IQUB: variants seen among roughly 807,000 people sequenced by gnomAD.
IQUB encodes the protein IQ motif and ubiquitin domain containing.
Under a neutral mutation model 86.4 loss-of-function variants are expected in IQUB, and 86 were observed. That is an observed-to-expected ratio of 1.00 (90% CI 0.84 to 1.19). The LOEUF (loss-of-function observed/expected upper bound fraction) is 1.19. Ranked by LOEUF, IQUB falls within the 50% of genes most tolerant of loss-of-function variation. IQUB has a pLI of 0.00. For missense variants in IQUB, 946 were observed against 916.9 expected, an observed-to-expected ratio of 1.03 and a Z score of -0.41; for synonymous variants, 289 against 304.5, an observed-to-expected ratio of 0.95 and a Z score of 0.53.
At chr7:123,534,073 G>A (rs982830359) in intron 1 of IQUB, among the ~76,000 whole-genome samples, 8 of 152,320 alleles carry the variant, frequency 5.3e-5, no homozygotes, top group African/African-American at 1.9e-4. Context: ...CAAGGGTGGA[G>A]AGGAAGGAGT....
At chr7:123,489,422 T>C (rs1031712528) in intron 7 of IQUB, among the ~76,000 whole-genome samples, 2 of 152,044 alleles carry the variant, frequency 1.3e-5, no homozygotes, top group South Asian at 2.1e-4. Flanking sequence ...TTTTTAAATA[T>C]GAAGAAAGAT....
chr7:123,491,438 C>G (rs1795456651), intron 7 of IQUB, among the ~76,000 whole-genome samples: 1 of 151,900 alleles, frequency 6.6e-6, no homozygotes, highest in African/African-American at 2.4e-5. Context: ...TGATAAATCC[C>G]TAGGCAGACT....
chr7:123,470,487 C>T (rs1794470149), intron 8 of IQUB, among the ~76,000 whole-genome samples: 1 of 152,140 alleles, frequency 6.6e-6, no homozygotes, highest in African/African-American at 2.4e-5. Flanking sequence ...TAAATGGAAG[C>T]TCTATGTATT....
At chr7:123,469,522 T>A (rs1247111883) in intron 8 of IQUB, 138 bp from the exon 9 acceptor site, 3 of 464,324 alleles carry the variant, frequency 6.5e-6, no homozygotes, top group Non-Finnish European at 1.1e-5. Flanking sequence ...AAAATTAATT[T>A]AAGAATTTGC....
chr7:123,497,720 T>C (rs1044265805), intron 6 of IQUB, among the ~76,000 whole-genome samples: 3 of 150,564 alleles, frequency 2.0e-5, no homozygotes, highest in East Asian at 3.9e-4. Context: ...CTAATAATTG[T>C]AGAAAAACTA....
intron 1 of IQUB, among the ~76,000 whole-genome samples, chr7:123,525,914 T>G (rs1044296784): frequency 1.1e-4 from 16 of 145,652 alleles, no homozygotes; most frequent in East Asian, 6.0e-4. Flanking sequence ...TTTGTTCTCG[T>G]TGGTTTCAAA....
intron 7 of IQUB, among the ~76,000 whole-genome samples, chr7:123,481,581 A>T (rs2117084801): frequency 6.6e-6 from 1 of 152,242 alleles, no homozygotes; most frequent in African/African-American, 2.4e-5. Flanking sequence ...AATAAATGAA[A>T]GACTGTCAAA....
intron 12 of IQUB, 137 bp downstream of exon 12, chr7:123,457,244 T>G: frequency 2.1e-6 from 3 of 1,422,454 alleles, no homozygotes; most frequent in South Asian, 1.5e-5. Context: ...CATAAATTTT[T>G]TTGTTGTTAA....
intron 3 of IQUB, among the ~76,000 whole-genome samples, chr7:123,505,428 C>T (rs1796132890): frequency 6.6e-6 from 1 of 152,174 alleles, no homozygotes; most frequent in South Asian, 2.1e-4. Flanking sequence ...CTCCTGCAGC[C>T]AACTTCTGCC....
In IQUB at chr7:123,461,382, T is replaced by C; in HGVS notation, c.1982A>G (p.Asp661Gly). The C allele has an allele frequency of 6.2e-7, 1 of 1,607,362 alleles. No homozygotes were observed. The highest frequency in any genetic ancestry group is 8.5e-7 in the Non-Finnish European group (1 of 1,174,876). ...LYYTEADYEDDSKIAFLMQLQ... is the reference protein window; with the variant it reads ...LYYTEADYEDGSKIAFLMQLQ... ...CTGCATCAAGAAAGCAATTTTAGAA[T>C]CATCTTCATAATCAGCTTCTGTATA... is the stretch of plus-strand genomic sequence containing the variant. The change falls in exon 11 of 13, where the codon GAT (aspartate) becomes GGT (glycine). Residue 661 changes from aspartate (D) to glycine (G), a missense_variant. Asp to Gly is a moderately conservative substitution (Grantham distance 94). Transcript: ENST00000324698.
Position 123,461,619 on chromosome 7 carries a change from A to G in IQUB, c.1759-14T>C. 1 of 1,536,976 alleles carries G rather than the reference A, an allele frequency of 6.5e-7. No individual in the cohort carries two copies. ...GTCTTGAGGGACCTAAATAAATAGT[A>G]AAAAAAGAAAAAAAAGGTCTAAAAA... On this transcript the variant is annotated splice_polypyrimidine_tract_variant and intron_variant, in intron 10 of 12. Transcript: ENST00000324698.
intron 12 of IQUB, among the ~76,000 whole-genome samples, chr7:123,453,355 G>T (rs1379243823): frequency 6.8e-6 from 1 of 147,410 alleles, no homozygotes; most frequent in Non-Finnish European, 1.5e-5. Flanking sequence ...GGAAGTCTGA[G>T]AAACTGTCAC....
At chr7:123,527,760 G>T (rs1280405012) in intron 1 of IQUB, among the ~76,000 whole-genome samples, 20 of 152,148 alleles carry the variant, frequency 1.3e-4, no homozygotes, top group Non-Finnish European at 1.0e-4. Flanking sequence ...GTTTACTGCT[G>T]TCTTTTTGTT....
At chr7:123,489,150 T>C (rs1305009412) in intron 7 of IQUB, among the ~76,000 whole-genome samples, 2 of 152,210 alleles carry the variant, frequency 1.3e-5, no homozygotes, top group Non-Finnish European at 2.9e-5. Context: ...ATGTATAACA[T>C]GAGAAAACAT....
intron 2 of IQUB, 139 bp downstream of exon 2, chr7:123,511,805 T>C: frequency 1.7e-6 from 1 of 595,190 alleles, no homozygotes; most frequent in African/African-American, 1.9e-5. Flanking sequence ...GCTATGTAAC[T>C]CTGGAAGTTT....
chr7:123,453,214 A>C (rs1288993068), intron 12 of IQUB, among the ~76,000 whole-genome samples: 1 of 149,416 alleles, frequency 6.7e-6, no homozygotes, highest in African/African-American at 2.4e-5. Context: ...ATAGGGTGTG[A>C]TGTGTCTAGC....
intron 1 of IQUB, among the ~76,000 whole-genome samples, chr7:123,531,276 A>G (rs1478355289): frequency 1.3e-5 from 2 of 152,234 alleles, no homozygotes; most frequent in Non-Finnish European, 2.9e-5. Flanking sequence ...AGGACCATAT[A>G]GTAAATACAT....
At chr7:123,527,482 G>C (rs560001136) in intron 1 of IQUB, among the ~76,000 whole-genome samples, 90 of 152,298 alleles carry the variant, frequency 5.9e-4, no homozygotes, top group African/African-American at 2.1e-3. Flanking sequence ...GTGATGTACA[G>C]ATGGGTTTTT....
At chr7:123,529,303 T>G (rs1347718928) in intron 1 of IQUB, among the ~76,000 whole-genome samples, 1 of 151,996 alleles carries the variant, frequency 6.6e-6, no homozygotes, top group Non-Finnish European at 1.5e-5. Context: ...TCTGTTTATT[T>G]TTAAACTTTA....
Sources: gnomAD v4.1 joint callset for allele counts (sites outside exome capture counted in the v4.1 genomes callset) on GRCh38, gnomAD v4.1.1 for gene constraint, MANE v1.5 for transcripts, NCBI Gene and HGNC (gene_info 2026-07-23, HGNC 2026-07-21) for gene names.